RANBP2: variants seen among roughly 807,000 people sequenced by gnomAD.
RANBP2 encodes the protein E3 SUMO-protein ligase RanBP2.
In RANBP2, 57 loss-of-function variants were observed where a neutral mutation model predicts 303.6. The ratio of observed to expected loss-of-function variants is 0.19; its 90% CI spans 0.15 to 0.23. The LOEUF (loss-of-function observed/expected upper bound fraction) is 0.23, where lower values mean the gene tolerates loss of function less well. Among genes scored for constraint, RANBP2 ranks in the 10% least tolerant of loss-of-function variants. The probability of loss-of-function intolerance (pLI) is 1.00; values close to 1 mark genes in which losing one functional copy is unlikely to be tolerated. For synonymous variants in RANBP2, 1,167 were observed against 1,301.5 expected (o/e 0.90, Z 2.23); for missense variants, 3,138 against 3,780.8 (o/e 0.83, Z 4.46).
At chr2:109,189,894 A>G in the RANBP2 span, among the ~76,000 whole-genome samples, 2 of 152,154 alleles carry the variant, frequency 1.3e-5, no homozygotes, top group African/African-American at 4.8e-5. Flanking sequence ...TGGAGCGATC[A>G]TACTTTCTGC....
the RANBP2 span, among the ~76,000 whole-genome samples, chr2:109,062,856 C>T: frequency 7.2e-4 from 106 of 147,734 alleles, no homozygotes; most frequent in Non-Finnish European, 1.2e-3. Context: ...GCCCTGGGAG[C>T]GGGTGGAGGT....
At chr2:109,188,752 C>G in the RANBP2 span, among the ~76,000 whole-genome samples, 2 of 152,162 alleles carry the variant, frequency 1.3e-5, no homozygotes, top group African/African-American at 4.8e-5. Context: ...CTCTGAGAGA[C>G]ACCATCGCAG....
the RANBP2 span, among the ~76,000 whole-genome samples, chr2:108,922,090 T>G: frequency 6.6e-6 from 1 of 152,268 alleles, no homozygotes; most frequent in Non-Finnish European, 1.5e-5. Context: ...GACTCAAGTC[T>G]GCTCTGGCTG....
the RANBP2 span, among the ~76,000 whole-genome samples, chr2:109,408,055 G>A: frequency 6.6e-6 from 1 of 152,150 alleles, no homozygotes; most frequent in Admixed American, 6.5e-5. Context: ...TTGGCATTTG[G>A]AGAGCATCCG....
the RANBP2 span, among the ~76,000 whole-genome samples, chr2:109,176,952 T>C: frequency 6.6e-6 from 1 of 152,122 alleles, no homozygotes; most frequent in African/African-American, 2.4e-5. Context: ...CTTGGGAGAT[T>C]TGGCATTTTA....
chr2:109,085,132 C>T, the RANBP2 span, among the ~76,000 whole-genome samples: 159 of 152,198 alleles, frequency 1.0e-3, 1 homozygote, highest in African/African-American at 3.5e-3. Context: ...CGAGGAGGAC[C>T]GGGTTTGAGC....
chr2:109,073,214 T>C, the RANBP2 span, among the ~76,000 whole-genome samples: 1 of 152,024 alleles, frequency 6.6e-6, no homozygotes, highest in East Asian at 1.9e-4. Flanking sequence ...GTAGAAAATA[T>C]TAAAAAGTGC....
chr2:109,142,129 G>T, the RANBP2 span, among the ~76,000 whole-genome samples: 5 of 152,060 alleles, frequency 3.3e-5, no homozygotes, highest in South Asian at 1.0e-3. Context: ...CACCTACCGG[G>T]TGGGGTCCCT....
the RANBP2 span, among the ~76,000 whole-genome samples, chr2:109,659,618 A>AT: frequency 6.6e-6 from 1 of 152,170 alleles, no homozygotes; most frequent in Non-Finnish European, 1.5e-5. Context: ...CAGAAGGAAG[A>AT]TTTTGTCTGG....
the RANBP2 span, among the ~76,000 whole-genome samples, chr2:109,550,470 T>G: frequency 6.6e-6 from 1 of 151,736 alleles, no homozygotes; most frequent in Non-Finnish European, 1.5e-5. Flanking sequence ...GTTGCCACCA[T>G]GCCTGGCTAA....
At chr2:109,232,990 T>C in the RANBP2 span, among the ~76,000 whole-genome samples, 1 of 152,046 alleles carries the variant, frequency 6.6e-6, no homozygotes, top group Non-Finnish European at 1.5e-5. Flanking sequence ...GTGGCTTGCT[T>C]ACTTGGCCAC....
intron 6 of RANBP2, among the ~76,000 whole-genome samples, chr2:108,739,749 A>G (rs826568): frequency 0.26 from 39,732 of 152,074 alleles, 5,584 homozygotes; most frequent in African/African-American, 0.36. Flanking sequence ...ACATTGGTAA[A>G]CTGAGGTGGG....
the RANBP2 span, among the ~76,000 whole-genome samples, chr2:108,849,818 C>A: frequency 3.0e-4 from 46 of 152,290 alleles, no homozygotes; most frequent in South Asian, 9.3e-3. Flanking sequence ...CATCTACTAC[C>A]TGGGGCCAAG....
chr2:109,492,727 C>A, the RANBP2 span, among the ~76,000 whole-genome samples: 1 of 152,160 alleles, frequency 6.6e-6, no homozygotes, highest in African/African-American at 2.4e-5. Context: ...ACTTTCTGAC[C>A]TCATGGCCCA....
chr2:109,407,995 G>A, the RANBP2 span, among the ~76,000 whole-genome samples: 1 of 152,140 alleles, frequency 6.6e-6, no homozygotes, highest in Non-Finnish European at 1.5e-5. Context: ...GTTTCTGCCT[G>A]TGCCTCCAGG....
chr2:108,880,296 A>G, the RANBP2 span, among the ~76,000 whole-genome samples: 3 of 152,128 alleles, frequency 2.0e-5, no homozygotes, highest in Non-Finnish European at 4.4e-5. Context: ...TGTAGATTCC[A>G]TGTTCATAGA....
At chr2:109,455,381 C>A in the RANBP2 span, among the ~76,000 whole-genome samples, 1 of 152,332 alleles carries the variant, frequency 6.6e-6, no homozygotes, top group Admixed American at 6.5e-5. Context: ...ATCAAGACTG[C>A]AAACCCAATT....
At chr2:108,727,567 T>C (rs1694827926) in intron 1 of RANBP2, among the ~76,000 whole-genome samples, 6 of 151,794 alleles carry the variant, frequency 4.0e-5, no homozygotes, top group Admixed American at 3.3e-4. Flanking sequence ...GTATACTCTT[T>C]ATCACATGGA....
chr2:109,709,307 A>AAAAATAAAATAAAAT, the RANBP2 span, among the ~76,000 whole-genome samples: 10,664 of 127,532 alleles, frequency 0.084, 622 homozygotes, highest in Non-Finnish European at 0.1. Context: ...ACTGTGTCTC[A>AAAAATAAAATAAAAT]AAAATAAAAT....
Sources: allele counts gnomAD v4.1 joint callset (sites outside exome capture counted in the v4.1 genomes callset), GRCh38; gene constraint gnomAD v4.1.1; transcripts MANE v1.5; gene names NCBI Gene and HGNC (gene_info 2026-07-23, HGNC 2026-07-21).